Variants in KIF26B observed in about 807,000 individuals in gnomAD.
The protein encoded by KIF26B is kinesin-like protein KIF26B.
In KIF26B, 63 loss-of-function variants were observed where a neutral mutation model predicts 151.2. That is an observed-to-expected ratio of 0.42 (90% CI 0.34 to 0.51). The LOEUF (loss-of-function observed/expected upper bound fraction) is 0.51, where lower values mean the gene tolerates loss of function less well. KIF26B is among the 20% of genes least tolerant of loss of function. KIF26B has a pLI of 0.07. For missense variants in KIF26B, 2,813 were observed against 2,913.6 expected (o/e 0.97, Z 0.79); for synonymous variants, 1,357 against 1,262.1 (o/e 1.08, Z -1.59).
At chr1:245,316,848 A>G (rs879507104) in intron 2 of KIF26B, among the ~76,000 whole-genome samples, 1 of 136,632 alleles carries the variant, frequency 7.3e-6, no homozygotes, top group Non-Finnish European at 1.6e-5. Context: ...GACCCTCACA[A>G]TCACCTTCAA....
intron 4 of KIF26B, among the ~76,000 whole-genome samples, chr1:245,510,554 C>T (rs1289575234): frequency 1.3e-5 from 2 of 151,168 alleles, no homozygotes; most frequent in Admixed American, 6.6e-5. Flanking sequence ...ATTTCTTTCT[C>T]GGCTGTCTCT....
Position 245,606,347 on chromosome 1 carries a change from C to A in KIF26B, c.1558-1304C>A, listed in dbSNP as rs73137681. Among the ~76,000 whole-genome samples the A allele has an allele frequency of 6.6e-6, 1 of 152,250 alleles. No individual in the cohort carries two copies. Among genetic ancestry groups the A allele is most frequent in the African/African-American group, 2.4e-5 (1 of 41,522 alleles). ...CAACATTCACGGCCCAGGTGCCCAC[C>A]GGGAGGCACGCTGCCCCGAGGGCTG... On this transcript the variant is annotated intron_variant, in intron 6 of 14. Coordinates refer to ENST00000407071, the MANE Select transcript of KIF26B (RefSeq NM_018012.4). This position sits in a 1 kb window ranked among gnomAD's most constrained non-coding sequence, Gnocchi z 4.6.
chr1:245,359,308 C>T (rs1012879773), intron 2 of KIF26B, among the ~76,000 whole-genome samples: 7 of 152,102 alleles, frequency 4.6e-5, no homozygotes, highest in South Asian at 2.1e-4. Context: ...AGTGAGCCAC[C>T]GCGTCCAGGC....
chr1:245,520,600 CCACCCACCCACCCATCCAT>C, intron 4 of KIF26B, among the ~76,000 whole-genome samples: 2 of 88,988 alleles, frequency 2.2e-5, no homozygotes, highest in African/African-American at 4.3e-5. Flanking sequence ...ATCCATCCAT[CCACCCACCCACCCATCCAT>C]CCATCCATCC....
chr1:245,484,746 C>CTCTTCTTCT (rs150455383), intron 4 of KIF26B, among the ~76,000 whole-genome samples: 6 of 145,404 alleles, frequency 4.1e-5, no homozygotes, highest in African/African-American at 1.5e-4. Context: ...TCTCCTCTTC[C>CTCTTCTTCT]TCTTCTTCTT....
In KIF26B at chr1:245,166,551, C is replaced by T. The variant is rs188744153; in HGVS notation, c.465+9868C>T. Among the ~76,000 whole-genome samples the T allele has an allele frequency of 4.3e-4, 65 of 152,314 alleles. No individual in the cohort carries two copies. The highest frequency in any genetic ancestry group is 1.5e-3 in the African/African-American group (62 of 41,562). On this transcript the variant is annotated intron_variant, in intron 2 of 14. Coordinates refer to ENST00000407071, the MANE Select transcript of KIF26B (RefSeq NM_018012.4). The surrounding 1 kb of genome is among the most constrained non-coding windows in gnomAD (Gnocchi z 4.5). ...TCCCTTCTTTAAGCCCGGCCCCTCT[C>T]GTAGCCCCTCCAGGGAGACTTGCAG...
chr1:245,348,209 C>T (rs1433821458), intron 2 of KIF26B, among the ~76,000 whole-genome samples: 3 of 152,168 alleles, frequency 2.0e-5, no homozygotes, highest in Admixed American at 1.3e-4. Flanking sequence ...CTAAATAAAT[C>T]GTGGAATGAT....
At chr1:245,524,603 T>C (rs773273856) in intron 4 of KIF26B, among the ~76,000 whole-genome samples, 2 of 152,196 alleles carry the variant, frequency 1.3e-5, no homozygotes, top group Non-Finnish European at 2.9e-5. Flanking sequence ...ATGAAGGATA[T>C]CTTCTTTAAT....
chr1:245,603,472 A>G, intron 6 of KIF26B, among the ~76,000 whole-genome samples: 1 of 152,112 alleles, frequency 6.6e-6, no homozygotes, highest in East Asian at 1.9e-4. Context: ...TATGTCTGTG[A>G]TCAGCTGTGG....
chr1:245,405,639 A>G (rs1323614866), intron 3 of KIF26B, among the ~76,000 whole-genome samples: 1 of 135,958 alleles, frequency 7.4e-6, no homozygotes, highest in Non-Finnish European at 1.5e-5. Context: ...TTTTTTTTGT[A>G]TGCATGAATA....
rs2044749171 is a variant in KIF26B, at chr1:245,700,062, T to TAAG, written c.6178+1026_6178+1028dup. 1.3e-5 allele frequency among the ~76,000 whole-genome samples: 2 copies of TAAG among 152,202 alleles called. 1 individual carries two copies. The highest frequency in any genetic ancestry group is 4.2e-4 in the South Asian group (2 of 4,816). ...GGATAAGGTGATAACAACATTTCCC[T>TAAG]AAGTACTCATTGGATTCTTGGGACA... On this transcript the variant is annotated intron_variant, in intron 14 of 14. Coordinates refer to ENST00000407071, the MANE Select transcript of KIF26B (RefSeq NM_018012.4).
chr1:245,618,372 G>T (rs2043616680), intron 9 of KIF26B, among the ~76,000 whole-genome samples: 1 of 151,532 alleles, frequency 6.6e-6, no homozygotes, highest in Non-Finnish European at 1.5e-5. Context: ...TAGACTATAG[G>T]TTCCTTGAGA....
chr1:245,269,977 A>G (rs1326636345), intron 2 of KIF26B, among the ~76,000 whole-genome samples: 1 of 152,182 alleles, frequency 6.6e-6, no homozygotes, highest in African/African-American at 2.4e-5. Context: ...TGGGGTTGCT[A>G]GATCACATGG....
intron 2 of KIF26B, among the ~76,000 whole-genome samples, chr1:245,350,025 A>G (rs1443872935): frequency 6.6e-6 from 1 of 151,924 alleles, no homozygotes; most frequent in African/African-American, 2.4e-5. Flanking sequence ...GGAGTACAAA[A>G]AAGTGCAGAG....
In KIF26B at chr1:245,702,665, C is replaced by T. The variant is rs1021127992; in HGVS notation, c.*59C>T. On this transcript the variant is annotated 3_prime_UTR_variant, in exon 15 of 15. Coordinates refer to ENST00000407071, the MANE Select transcript of KIF26B (RefSeq NM_018012.4). The surrounding 1 kb of genome is among the most constrained non-coding windows in gnomAD (Gnocchi z 4.1). ...TCCCCAGGACTTCAGAGATGTTGCA[C>T]GCCCCTAGGCCCTCTGTGCTGGGGC... 15 of 1,556,260 alleles carry T rather than the reference C, an allele frequency of 9.6e-6. No individual in the cohort carries two copies. The highest frequency in any genetic ancestry group is 7.2e-5 in the South Asian group (6 of 83,706).
intron 2 of KIF26B, among the ~76,000 whole-genome samples, chr1:245,184,477 T>A (rs1482982270): frequency 6.6e-6 from 1 of 152,170 alleles, no homozygotes; most frequent in Non-Finnish European, 1.5e-5. Flanking sequence ...TACACAAATG[T>A]GTCTTTATAA....
At chr1:245,341,806 G>T (rs1196943664) in intron 2 of KIF26B, among the ~76,000 whole-genome samples, 1 of 152,192 alleles carries the variant, frequency 6.6e-6, no homozygotes, top group Non-Finnish European at 1.5e-5. Context: ...GGTGGGCAGG[G>T]AGGGTCACCA....
chr1:245,329,765 G>T (rs373302234), intron 2 of KIF26B, among the ~76,000 whole-genome samples: 3 of 152,292 alleles, frequency 2.0e-5, no homozygotes, highest in South Asian at 4.1e-4. Context: ...AAACAATAGA[G>T]TGACATGTAT....
chr1:245,571,424 A>T (rs1236649309), intron 5 of KIF26B, among the ~76,000 whole-genome samples: 1 of 152,212 alleles, frequency 6.6e-6, no homozygotes, highest in East Asian at 1.9e-4. Context: ...AGAAAGATAG[A>T]GCCTGCCTCT....
Sources: allele counts gnomAD v4.1 joint callset (sites outside exome capture counted in the v4.1 genomes callset), GRCh38; gene constraint gnomAD v4.1.1; non-coding constraint Gnocchi (gnomAD v3.1); transcripts MANE v1.5; gene names NCBI Gene and HGNC (gene_info 2026-07-23, HGNC 2026-07-21).